Variants in FMN2 observed in about 807,000 individuals in gnomAD.
FMN2 encodes the protein formin 2, also known as formin-2.
In FMN2, 51 loss-of-function variants were observed where a neutral mutation model predicts 142.3. The observed-to-expected ratio is 0.36, with a 90% CI of 0.29 to 0.45. The LOEUF (loss-of-function observed/expected upper bound fraction) is 0.45, where lower values mean the gene tolerates loss of function less well. FMN2 is among the 20% of genes least tolerant of loss of function. FMN2 has a pLI of 1.00. For synonymous variants in FMN2, 882 were observed against 869.8 expected (o/e 1.01, Z -0.25); for missense variants, 1,936 against 2,122.8 (o/e 0.91, Z 1.73).
At chr1:240,316,952 A>G (rs1047343165) in intron 8 of FMN2, among the ~76,000 whole-genome samples, 1 of 152,132 alleles carries the variant, frequency 6.6e-6, no homozygotes, top group African/African-American at 2.4e-5. Context: ...GTACACACAT[A>G]TGCATGTACA....
chr1:240,445,718 T>TTC (rs1388118483), intron 16 of FMN2, among the ~76,000 whole-genome samples: 7 of 147,030 alleles, frequency 4.8e-5, no homozygotes, highest in Admixed American at 1.4e-4. Flanking sequence ...TTTTTTTTTC[T>TTC]GGAGAGAAAA....
chr1:240,179,555 G>GT (rs1336050043), intron 3 of FMN2: 1 of 152,118 alleles, frequency 6.6e-6, no homozygotes, highest in Admixed American at 6.6e-5. Flanking sequence ...TGAGTTTATC[G>GT]TAACACTTAC....
At chr1:240,152,173 A>T (rs911152034) in intron 2 of FMN2, among the ~76,000 whole-genome samples, 1 of 152,036 alleles carries the variant, frequency 6.6e-6, no homozygotes. Context: ...AGGTACCACC[A>T]TGGGCTCTGG....
chr1:240,183,048 C>T (rs1665218817), intron 3 of FMN2, among the ~76,000 whole-genome samples: 1 of 151,826 alleles, frequency 6.6e-6, no homozygotes, highest in African/African-American at 2.4e-5. Context: ...TCCCAAAGTG[C>T]TGGGATTACA....
intron 6 of FMN2, among the ~76,000 whole-genome samples, chr1:240,212,995 A>T (rs961624981): frequency 1.6e-4 from 24 of 152,228 alleles, no homozygotes; most frequent in African/African-American, 5.8e-4. Context: ...GGGAATACAG[A>T]TAAGGAAGAA....
Position 240,152,614 on chromosome 1 carries a change from T to C in FMN2, c.1783-25307T>C, listed in dbSNP as rs1418101272. Among the ~76,000 whole-genome samples the C allele has an allele frequency of 2.0e-5, 3 of 152,222 alleles. No homozygotes were observed. In the East Asian group the frequency reaches 5.8e-4, roughly 29 times the overall value. On this transcript the variant is annotated intron_variant, in intron 2 of 17. Transcript: ENST00000319653. ...CTGGAGAACCTCAGCACAGTGGCCC[T>C]GTTGCCTGTGCCTACTTCTGGGATG...
intron 1 of FMN2, 25 bp from the exon 2 acceptor site, chr1:240,123,154 C>T (rs1423722173): frequency 6.2e-7 from 1 of 1,613,514 alleles, no homozygotes; most frequent in Non-Finnish European, 8.5e-7. Context: ...AGTGCTCGCT[C>T]TTAATGACTG....
rs1676910896 is a variant in FMN2, at chr1:240,474,476, C to T, written c.*322C>T. ...AACATGCTAAACATTAACTACAATT[C>T]ACTGTTGTGAGAATATTCCTCGTCA... On this transcript the variant is annotated 3_prime_UTR_variant, in exon 18 of 18. Transcript: ENST00000319653. 4.1e-6 allele frequency: 1 copy of T among 245,038 alleles called. No homozygotes were observed. The highest frequency in any genetic ancestry group is 7.7e-6 in the Non-Finnish European group (1 of 129,246). The allele number at this position is 245,038 out of a possible 1,614,324, so 15.2% of individuals were successfully genotyped here. A position where few individuals can be genotyped will look rare whatever the true frequency, so the allele number is the denominator to read the frequency against.
chr1:240,161,167 C>T (rs1489049259), intron 2 of FMN2, among the ~76,000 whole-genome samples: 1 of 151,990 alleles, frequency 6.6e-6, no homozygotes, highest in Non-Finnish European at 1.5e-5. Flanking sequence ...CAATTCTAAT[C>T]AATGTCTCAA....
chr1:240,421,342 A>G (rs1674756446), intron 15 of FMN2, among the ~76,000 whole-genome samples: 1 of 152,172 alleles, frequency 6.6e-6, no homozygotes, highest in Non-Finnish European at 1.5e-5. Flanking sequence ...TTAAATTAAC[A>G]ATATTTATTT....
At chr1:240,151,173 A>G (rs1377757580) in intron 2 of FMN2, among the ~76,000 whole-genome samples, 2 of 152,218 alleles carry the variant, frequency 1.3e-5, no homozygotes, top group Non-Finnish European at 2.9e-5. Context: ...CAGTAGATCA[A>G]AGCACTGCAC....
In FMN2 at chr1:240,333,905, T is replaced by C. The variant is rs1173227591; in HGVS notation, c.4603T>C (p.Leu1535=). ...TGCCTAGGACAATAGCAGAAGCCTTTTGTCATATATTGTTTCGTATTATCT... is the reference window on the plus strand; with the variant it reads ...TGCCTAGGACAATAGCAGAAGCCTTCTGTCATATATTGTTTCGTATTATCT... The part of the protein sequence containing the change: ...VKSSDNSRSL[L]SYIVSYYLRN... The change falls in exon 12 of 18, where the codon TTG becomes CTG. Residue 1535 remains leucine, a synonymous_variant. Transcript: ENST00000319653. 4 of 1,609,024 alleles carry C rather than the reference T, an allele frequency of 2.5e-6. No homozygotes were observed. Among genetic ancestry groups the C allele is most frequent in the East Asian group, 2.2e-5 (1 of 44,740 alleles).
chr1:240,278,293 G>A lies in FMN2; in HGVS notation c.4154-16529G>A, dbSNP rs556308191. On this transcript the variant is annotated intron_variant, in intron 7 of 17. Coordinates refer to ENST00000319653, the MANE Select transcript of FMN2 (RefSeq NM_020066.5). ...GTATTCCCATCACCTGCTGCACATA[G>A]CACAAGGTCTGGGTGTCACAAAGAC... Among the ~76,000 whole-genome samples the A allele has an allele frequency of 3.3e-5, 5 of 152,238 alleles. No individual in the cohort carries two copies. In the South Asian group the frequency reaches 8.3e-4, roughly 25 times the overall value.
chr1:240,102,455 C>T (rs188516582), intron 1 of FMN2, among the ~76,000 whole-genome samples: 1 of 151,938 alleles, frequency 6.6e-6, no homozygotes, highest in Non-Finnish European at 1.5e-5. Context: ...ATTTTTTAAC[C>T]TATATACTTG....
intron 16 of FMN2, among the ~76,000 whole-genome samples, chr1:240,465,290 C>CCATT (rs34848507): frequency 6.8e-6 from 1 of 147,212 alleles, no homozygotes; most frequent in African/African-American, 2.5e-5. Context: ...ATCTCCACCA[C>CCATT]CTCTCTCCTC....
At chr1:240,468,206 A>ATATGTGTGTGTGTGTGTGTGTGTG (rs374934885) in intron 16 of FMN2, among the ~76,000 whole-genome samples, 1 of 147,876 alleles carries the variant, frequency 6.8e-6, no homozygotes, top group African/African-American at 2.5e-5. Context: ...ATATATATAT[A>ATATGTGTGTGTGTGTGTGTGTGTG]TGTGTGTGTG....
rs527255262 is a variant in FMN2, at chr1:240,311,339, C to CAT, written c.4215+16456_4215+16457insAT. 2.8e-3 allele frequency among the ~76,000 whole-genome samples: 431 copies of CAT among 152,168 alleles called. 2 individuals carry two copies. Among genetic ancestry groups the CAT allele is most frequent in the South Asian group, 0.017 (82 of 4,816 alleles). On this transcript the variant is annotated intron_variant, in intron 8 of 17. Coordinates refer to ENST00000319653, the MANE Select transcript of FMN2 (RefSeq NM_020066.5). ...AACTGTTCTGTGTTCCCATAACTTC[C>CAT]TAGAGGAATTTAATTGATTCATGTT...
Position 240,207,701 on chromosome 1 carries a change from C to CA in FMN2, c.2890dup (p.Ile964AsnfsTer289), listed in dbSNP as rs772807227. ...CTCCGCCCCCTCTTCCCGGGGCAGG[C>CA]ATACCCCTTCCTCCCCCTCTTCCCG... On this transcript the variant is annotated frameshift_variant, in exon 5 of 18. Transcript: ENST00000319653. LOFTEE classifies it high-confidence loss of function. The CA allele has an allele frequency of 3.6e-5, 51 of 1,411,568 alleles. No individual in the cohort carries two copies. The African/African-American group carries it at 5.2e-4, about 14-fold the overall frequency. 87.4% of individuals were successfully genotyped at this position (1,411,568 alleles called of 1,614,324 possible).
chr1:240,335,464 A>G (rs892902026), intron 13 of FMN2, among the ~76,000 whole-genome samples: 3 of 152,198 alleles, frequency 2.0e-5, no homozygotes. Flanking sequence ...ATGCTATAGT[A>G]TTATACTTCA....
Sources: gnomAD v4.1 joint callset for allele counts (sites outside exome capture counted in the v4.1 genomes callset) on GRCh38, gnomAD v4.1.1 for gene constraint, MANE v1.5 for transcripts, NCBI Gene and HGNC (gene_info 2026-07-23, HGNC 2026-07-21) for gene names.